CPVL: variants seen among roughly 807,000 people sequenced by gnomAD.
CPVL encodes carboxypeptidase vitellogenic like.
In CPVL, 51 loss-of-function variants were observed where a neutral mutation model predicts 63.7. That is an observed-to-expected ratio of 0.80 (90% CI 0.64 to 1.01). The LOEUF is 1.01. Among genes scored for constraint, CPVL ranks in the 50% least tolerant of loss-of-function variants. The pLI is 0.00. For missense variants in CPVL, 530 were observed against 573.1 expected (o/e 0.92, Z 0.77); for synonymous variants, 195 against 206.0 (o/e 0.95, Z 0.46).
In CPVL at chr7:29,146,460, G is replaced by T; in HGVS notation, c.-42C>A. On this transcript the variant is annotated 5_prime_UTR_variant, in exon 1 of 13. Coordinates refer to ENST00000265394, the MANE Select transcript of CPVL (RefSeq NM_031311.5). ...CAGTCGGTGCTCCTCCCTGAGCCGCGGCGCGCAAGGACCCCAGCCGGTTGT... is the reference window on the plus strand; with the variant it reads ...CAGTCGGTGCTCCTCCCTGAGCCGCTGCGCGCAAGGACCCCAGCCGGTTGT... 1.4e-6 allele frequency: 2 copies of T among 1,393,254 alleles called. No homozygotes were observed. Among genetic ancestry groups the T allele is most frequent in the Non-Finnish European group, 1.9e-6 (2 of 1,056,908 alleles). The allele number at this position is 1,393,254 out of a possible 1,614,324, so 86.3% of individuals were successfully genotyped here.
intron 1 of CPVL, among the ~76,000 whole-genome samples, chr7:29,133,760 A>G (rs1196910353): frequency 6.6e-6 from 1 of 152,262 alleles, no homozygotes; most frequent in Non-Finnish European, 1.5e-5. Context: ...ATAACAGTAA[A>G]TGGGGCAGAT....
chr7:29,163,145 A>T (rs1795419141), intron 5 of CPVL, among the ~76,000 whole-genome samples: 1 of 152,168 alleles, frequency 6.6e-6, no homozygotes, highest in Non-Finnish European at 1.5e-5. Context: ...TAAAAATTAA[A>T]AAAAGATACT....
intron 12 of CPVL, among the ~76,000 whole-genome samples, chr7:29,005,545 G>A (rs1021071019): frequency 6.6e-5 from 10 of 152,052 alleles, no homozygotes; most frequent in Non-Finnish European, 8.8e-5. Context: ...CAACTTAACT[G>A]TGTCTACAGT....
chr7:29,195,259 G>C, exon 1 of CPVL: 1 of 408,468 alleles, frequency 2.4e-6, no homozygotes, highest in Non-Finnish European at 4.3e-6. Context: ...AGTGCAGCGA[G>C]CGAAAAGCGA....
intron 12 of CPVL, among the ~76,000 whole-genome samples, chr7:28,996,896 T>C (rs980528891): frequency 2.0e-5 from 3 of 152,208 alleles, no homozygotes; most frequent in Non-Finnish European, 2.9e-5. Context: ...CAGATTTTCT[T>C]CTTTTGAGTC....
At chr7:29,020,037 C>A (rs1021953577) in intron 12 of CPVL, among the ~76,000 whole-genome samples, 11 of 152,110 alleles carry the variant, frequency 7.2e-5, no homozygotes, top group African/African-American at 2.7e-4. Context: ...GTGATATTTG[C>A]CACCAGTTTC....
At chr7:29,160,203 A>AAAATATGTAC (rs1363745306) in intron 5 of CPVL, among the ~76,000 whole-genome samples, 24 of 152,216 alleles carry the variant, frequency 1.6e-4, no homozygotes, top group African/African-American at 5.1e-4. Flanking sequence ...CAGTTGATCT[A>AAAATATGTAC]AAATATGTAC....
chr7:29,087,098 T>A (rs62442656), intron 6 of CPVL, among the ~76,000 whole-genome samples: 2,498 of 152,138 alleles, frequency 0.016, 29 homozygotes, highest in African/African-American at 0.042. Context: ...CAGTAGGCTC[T>A]GGGCTAAAAA....
rs544349589 is a variant in CPVL, at chr7:29,065,784, A to T, written c.963+239T>A. Among the ~76,000 whole-genome samples, 41 of 152,246 alleles carry T rather than the reference A, an allele frequency of 2.7e-4. No homozygotes were observed. In the Middle Eastern group the frequency reaches 0.014, roughly 51 times the overall value. ...TAACAAGCTCTACTTGGGGGAAATC[A>T]TGTTCATCAGAAGTTGTTTTGAGTT... On this transcript the variant is annotated intron_variant, in intron 10 of 12. Coordinates refer to ENST00000265394, the MANE Select transcript of CPVL (RefSeq NM_031311.5).
intron 12 of CPVL, among the ~76,000 whole-genome samples, chr7:29,014,573 C>A (rs1192740215): frequency 6.6e-6 from 1 of 152,042 alleles, no homozygotes; most frequent in Non-Finnish European, 1.5e-5. Context: ...AACTCCTGGG[C>A]TCAAGCGATC....
chr7:29,100,863 AAT>A (rs1225234421), intron 3 of CPVL, among the ~76,000 whole-genome samples: 2 of 152,192 alleles, frequency 1.3e-5, no homozygotes, highest in Non-Finnish European at 2.9e-5. Context: ...CCTGTGAACT[AAT>A]GTCACCCTTA....
At chr7:29,054,604 T>C (rs1790521212) in intron 11 of CPVL, among the ~76,000 whole-genome samples, 1 of 152,198 alleles carries the variant, frequency 6.6e-6, no homozygotes, top group African/African-American at 2.4e-5. Flanking sequence ...ATTTTCTCTC[T>C]CCCACTGCTT....
intron 3 of CPVL, among the ~76,000 whole-genome samples, chr7:29,105,395 T>C (rs1787622696): frequency 6.6e-6 from 1 of 152,162 alleles, no homozygotes; most frequent in African/African-American, 2.4e-5. Context: ...GCCGAGTGCC[T>C]GGAGAAGCAA....
chr7:29,086,808 C>G (rs1293138362), intron 6 of CPVL, among the ~76,000 whole-genome samples: 1 of 152,182 alleles, frequency 6.6e-6, no homozygotes, highest in African/African-American at 2.4e-5. Flanking sequence ...TTTGGATCAT[C>G]TAACTGTTGA....
chr7:29,121,213 A>G (rs1223701231), intron 1 of CPVL, 142 bp from the exon 2 acceptor site: 1 of 673,618 alleles, frequency 1.5e-6, no homozygotes, highest in South Asian at 2.4e-5. Context: ...TAGCACCATA[A>G]ATAAGCACAC....
intron 5 of CPVL, among the ~76,000 whole-genome samples, chr7:29,156,566 C>G (rs184202261): frequency 3.9e-5 from 6 of 152,180 alleles, no homozygotes; most frequent in Admixed American, 1.3e-4. Flanking sequence ...TCTGAAGGAA[C>G]TCAGCTAAGG....
At chr7:29,070,015 A>T (rs1584167204) in intron 9 of CPVL, among the ~76,000 whole-genome samples, 1 of 152,200 alleles carries the variant, frequency 6.6e-6, no homozygotes, top group Non-Finnish European at 1.5e-5. Context: ...CTTCCTTTGC[A>T]GTCACTGAAA....
At chr7:29,158,827 CTT>C (rs1794786107) in intron 5 of CPVL, among the ~76,000 whole-genome samples, 1 of 152,134 alleles carries the variant, frequency 6.6e-6, no homozygotes, top group South Asian at 2.1e-4. Flanking sequence ...ATGCTTAACT[CTT>C]AGAGAGATAC....
intron 5 of CPVL, among the ~76,000 whole-genome samples, chr7:29,158,739 T>G (rs377157077): frequency 2.0e-5 from 3 of 152,320 alleles, no homozygotes; most frequent in East Asian, 3.9e-4. Context: ...TTGCTTGTTC[T>G]TTTTGGACTG....
Sources: gnomAD v4.1 joint callset for allele counts (sites outside exome capture counted in the v4.1 genomes callset) on GRCh38, gnomAD v4.1.1 for gene constraint, MANE v1.5 for transcripts, NCBI Gene and HGNC (gene_info 2026-07-23, HGNC 2026-07-21) for gene names.